Variants in RBMS3 observed in about 807,000 individuals in gnomAD.
RBMS3 encodes RNA-binding motif, single-stranded-interacting protein 3.
In RBMS3, 27 loss-of-function variants were observed where a neutral mutation model predicts 66.8. That is an observed-to-expected ratio of 0.40 (90% CI 0.30 to 0.56). The LOEUF is 0.56. Ranked by LOEUF, RBMS3 falls within the 20% of genes least tolerant of loss-of-function variation. The pLI is 0.40. For synonymous variants in RBMS3, 188 were observed against 183.0 expected (o/e 1.03, Z -0.22); for missense variants, 513 against 549.5 (o/e 0.93, Z 0.66).
intron 1 of RBMS3, among the ~76,000 whole-genome samples, chr3:29,390,290 A>G (rs1311487049): frequency 6.6e-6 from 1 of 152,216 alleles, no homozygotes; most frequent in African/African-American, 2.4e-5. Context: ...TTATTGTTCT[A>G]AAATAAATAG....
At chr3:29,491,910 G>A (rs1202805700) in intron 3 of RBMS3, among the ~76,000 whole-genome samples, 1 of 151,914 alleles carries the variant, frequency 6.6e-6, no homozygotes, top group Non-Finnish European at 1.5e-5. Context: ...GGAGAATGGC[G>A]TGAACCCAGG....
At chr3:29,375,079 T>G (rs2038399095) in intron 1 of RBMS3, among the ~76,000 whole-genome samples, 1 of 152,202 alleles carries the variant, frequency 6.6e-6, no homozygotes, top group Non-Finnish European at 1.5e-5. Context: ...ATCTGATCTT[T>G]GACAAACCTG....
chr3:29,302,263 C>G (rs958776920), intron 1 of RBMS3, among the ~76,000 whole-genome samples: 7 of 151,966 alleles, frequency 4.6e-5, no homozygotes, highest in African/African-American at 1.7e-4. Flanking sequence ...CCTCCCACCT[C>G]GGCCTCCCAA....
chr3:29,682,398 C>T (rs1049505587), intron 4 of RBMS3, among the ~76,000 whole-genome samples: 2 of 152,198 alleles, frequency 1.3e-5, no homozygotes, highest in African/African-American at 2.4e-5. Context: ...CATGATCCGC[C>T]GGCCTTGGCC....
chr3:29,569,312 C>T (rs569522286), intron 3 of RBMS3, among the ~76,000 whole-genome samples: 21 of 152,122 alleles, frequency 1.4e-4, no homozygotes, highest in African/African-American at 4.8e-4. Flanking sequence ...GAGAGATTTC[C>T]TCTGTAAGTC....
At chr3:29,939,946 C>A (rs1460008725) in intron 11 of RBMS3, among the ~76,000 whole-genome samples, 1 of 151,820 alleles carries the variant, frequency 6.6e-6, no homozygotes, top group African/African-American at 2.4e-5. Flanking sequence ...GAACTTTCTT[C>A]TAACTGAAAC....
chr3:29,600,816 G>T (rs2048118542), intron 4 of RBMS3, among the ~76,000 whole-genome samples: 1 of 152,046 alleles, frequency 6.6e-6, no homozygotes, highest in Non-Finnish European at 1.5e-5. Context: ...CTAAAATTCT[G>T]TAGGTAGGGA....
At chr3:29,357,495 G>A (rs930450182) in intron 1 of RBMS3, among the ~76,000 whole-genome samples, 110 of 152,292 alleles carry the variant, frequency 7.2e-4, no homozygotes, top group Middle Eastern at 3.4e-3. Context: ...TGTGAGTAGT[G>A]CCGCAATAAA....
At chr3:29,714,048 C>G (rs1288114943) in intron 4 of RBMS3, among the ~76,000 whole-genome samples, 1 of 152,070 alleles carries the variant, frequency 6.6e-6, no homozygotes, top group Admixed American at 6.6e-5. Context: ...GAGGGCGACT[C>G]TGTCTCAAAA....
At chr3:29,492,590 A>G (rs2043591047) in intron 3 of RBMS3, among the ~76,000 whole-genome samples, 1 of 152,188 alleles carries the variant, frequency 6.6e-6, no homozygotes, top group South Asian at 2.1e-4. Flanking sequence ...CATGATGAAA[A>G]TGAAGACTAG....
At chr3:29,704,142 A>G (rs2052763416) in intron 4 of RBMS3, among the ~76,000 whole-genome samples, 1 of 152,224 alleles carries the variant, frequency 6.6e-6, no homozygotes, top group South Asian at 2.1e-4. Context: ...ATTTTATTAT[A>G]TATTACAATG....
chr3:29,286,610 G>C (rs1265323981), intron 1 of RBMS3, among the ~76,000 whole-genome samples: 1 of 151,992 alleles, frequency 6.6e-6, no homozygotes, highest in Non-Finnish European at 1.5e-5. Context: ...GTAATAAAAT[G>C]TATCTGAGGG....
At chr3:29,302,497 G>A (rs954973815) in intron 1 of RBMS3, among the ~76,000 whole-genome samples, 3 of 151,846 alleles carry the variant, frequency 2.0e-5, no homozygotes, top group Non-Finnish European at 2.9e-5. Context: ...AGAACACAGT[G>A]GATTGTCCCC....
At chr3:29,363,217 A>T (rs1016622003) in intron 1 of RBMS3, among the ~76,000 whole-genome samples, 1 of 152,160 alleles carries the variant, frequency 6.6e-6, no homozygotes, top group African/African-American at 2.4e-5. Flanking sequence ...AGTTGGATAC[A>T]ATGTGTTTAT....
Position 29,281,771 on chromosome 3 carries a change from A to G in RBMS3, c.75+15A>G. ...TCCAAACCAAGGTATGGCTTGACCC[A>G]CGGTCTGGCGATCAGCGTGGTATCG... On this transcript the variant is annotated intron_variant, in intron 1 of 14. Coordinates refer to ENST00000383767, the MANE Select transcript of RBMS3 (RefSeq NM_001003793.3). 1.2e-6 allele frequency: 2 copies of G among 1,601,064 alleles called. No homozygotes were observed. The highest frequency in any genetic ancestry group is 1.7e-6 in the Non-Finnish European group (2 of 1,169,090).
intron 3 of RBMS3, among the ~76,000 whole-genome samples, chr3:29,511,239 T>A (rs1003118422): frequency 1.3e-5 from 2 of 152,088 alleles, no homozygotes; most frequent in Non-Finnish European, 2.9e-5. Context: ...GAGGTTACAG[T>A]GAGCTGAGAT....
chr3:29,418,634 T>G (rs2040575167), intron 1 of RBMS3, among the ~76,000 whole-genome samples: 1 of 152,176 alleles, frequency 6.6e-6, no homozygotes, highest in South Asian at 2.1e-4. Flanking sequence ...GAGCTCTGTC[T>G]CTGTGATGTA....
At chr3:29,435,823 A>G (rs979599084) in intron 2 of RBMS3, among the ~76,000 whole-genome samples, 1 of 151,990 alleles carries the variant, frequency 6.6e-6, no homozygotes, top group South Asian at 2.1e-4. Flanking sequence ...AAATACAAAA[A>G]AATTAGACGG....
chr3:29,296,557 T>G (rs2033277187), intron 1 of RBMS3, among the ~76,000 whole-genome samples: 1 of 151,772 alleles, frequency 6.6e-6, no homozygotes, highest in Non-Finnish European at 1.5e-5. Flanking sequence ...TGTTTCTCAC[T>G]TTGAATTCAA....
Sources: gnomAD v4.1 joint callset for allele counts (sites outside exome capture counted in the v4.1 genomes callset) on GRCh38, gnomAD v4.1.1 for gene constraint, MANE v1.5 for transcripts, NCBI Gene and HGNC (gene_info 2026-07-23, HGNC 2026-07-21) for gene names.